Variants in COL24A1 observed in about 807,000 individuals in gnomAD.
The protein encoded by COL24A1 is collagen alpha-1(XXIV) chain.
Under a neutral mutation model 253.9 loss-of-function variants are expected in COL24A1, and 224 were observed. The ratio of observed to expected loss-of-function variants is 0.88; its 90% CI spans 0.79 to 0.99. COL24A1 has a LOEUF of 0.99. Ranked by LOEUF, COL24A1 falls within the 50% of genes least tolerant of loss-of-function variation. The probability of loss-of-function intolerance (pLI) is 0.00; values close to 1 mark genes in which losing one functional copy is unlikely to be tolerated. For missense variants in COL24A1, 2,131 were observed against 2,068.5 expected, an observed-to-expected ratio of 1.03 and a Z score of -0.59; for synonymous variants, 685 against 673.7, an observed-to-expected ratio of 1.02 and a Z score of -0.26.
intron 20 of COL24A1, among the ~76,000 whole-genome samples, chr1:85,977,277 C>A (rs1692781709): frequency 6.6e-6 from 1 of 152,122 alleles, no homozygotes; most frequent in South Asian, 2.1e-4. Context: ...TGAGAAGGAA[C>A]CAGAAAAGTA....
Position 85,925,056 on chromosome 1 carries a change from T to G in COL24A1, c.2563-13623A>C, listed in dbSNP as rs1687026770. ...GACAAACAGAGAGCCAAATCATGAG[T>G]GAACTCTCATTCACAATTGCTTCAA... On this transcript the variant is annotated intron_variant, in intron 24 of 59. Coordinates refer to ENST00000370571, the MANE Select transcript of COL24A1 (RefSeq NM_152890.7). Among the ~76,000 whole-genome samples the G allele has an allele frequency of 2.6e-5, 4 of 152,246 alleles. No homozygotes were observed. In the South Asian group the frequency reaches 8.3e-4, roughly 32 times the overall value.
chr1:85,826,381 T>G (rs1436625149), intron 43 of COL24A1, among the ~76,000 whole-genome samples: 1 of 140,366 alleles, frequency 7.1e-6, no homozygotes, highest in African/African-American at 2.7e-5. Flanking sequence ...TTTGTTCTTT[T>G]GGCTTAGGAT....
intron 3 of COL24A1, among the ~76,000 whole-genome samples, chr1:86,123,098 A>G (rs1407622037): frequency 6.6e-6 from 1 of 151,998 alleles, no homozygotes. Flanking sequence ...TGAGGATAAC[A>G]CTACAAACTT....
At position 85,730,655 on chromosome 1, in the gene COL24A1, A is replaced by G. The variant is rs1208492652; in HGVS notation, c.5036T>C (p.Phe1679Ser). The change falls in exon 60 of 60, where the codon TTT (phenylalanine) becomes TCT (serine). Residue 1679 changes from phenylalanine to serine, a missense_variant. Phe to Ser is a radical substitution (Grantham distance 155). Transcript: ENST00000370571. ...AAGTTGATTAGGTTCCTGGGTGTGA[A>G]AAAGAAATGTTGCCTTATGCCAGCT... ...DGSWHKATFL[F>S]HTQEPNQLPV... The G allele has an allele frequency of 3.7e-6, 6 of 1,613,928 alleles. No homozygotes were observed. The East Asian group carries it at 1.1e-4, about 30-fold the overall frequency.
At chr1:86,082,161 G>A (rs1413991324) in intron 7 of COL24A1, among the ~76,000 whole-genome samples, 1 of 152,038 alleles carries the variant, frequency 6.6e-6, no homozygotes, top group Non-Finnish European at 1.5e-5. Context: ...AAGAAATTCT[G>A]GAGACTAAAG....
At chr1:86,119,339 C>T (rs1706476376) in intron 3 of COL24A1, among the ~76,000 whole-genome samples, 1 of 106,840 alleles carries the variant, frequency 9.4e-6, no homozygotes, top group Non-Finnish European at 2.4e-5. Context: ...CTTGAAAATC[C>T]ACTTTTTTGA....
intron 12 of COL24A1, among the ~76,000 whole-genome samples, chr1:86,042,701 T>C (rs192044905): frequency 6.6e-6 from 1 of 152,300 alleles, no homozygotes; most frequent in East Asian, 1.9e-4. Flanking sequence ...AGCTCATTCA[T>C]GACAACTTAA....
intron 12 of COL24A1, among the ~76,000 whole-genome samples, chr1:86,041,658 T>A (rs1027431440): frequency 2.0e-5 from 3 of 151,962 alleles, no homozygotes; most frequent in Admixed American, 1.3e-4. Flanking sequence ...GCCTCCCCTA[T>A]TTTTTTTAAA....
At chr1:86,143,737 GC>G (rs887554429) in intron 2 of COL24A1, among the ~76,000 whole-genome samples, 25 of 152,148 alleles carry the variant, frequency 1.6e-4, no homozygotes, top group African/African-American at 5.8e-4. Flanking sequence ...AAGGGACACT[GC>G]TTTTTGCTAT....
At chr1:86,021,816 A>C (rs1226058185) in intron 18 of COL24A1, among the ~76,000 whole-genome samples, 6 of 152,066 alleles carry the variant, frequency 3.9e-5, no homozygotes, top group Admixed American at 3.9e-4. Flanking sequence ...CAGGAAAAAA[A>C]ATAAGGATTT....
At chr1:85,951,323 A>G (rs998513205) in intron 24 of COL24A1, among the ~76,000 whole-genome samples, 1 of 151,716 alleles carries the variant, frequency 6.6e-6, no homozygotes, top group South Asian at 2.1e-4. Context: ...AAAAGGCTAA[A>G]GTAGGAAGAA....
chr1:86,107,239 A>G (rs954294099), intron 5 of COL24A1, among the ~76,000 whole-genome samples: 4 of 152,190 alleles, frequency 2.6e-5, no homozygotes, highest in Non-Finnish European at 5.9e-5. Context: ...TACCTTGGTT[A>G]AGCGCTTACT....
rs192596980 is a variant in COL24A1, at chr1:86,050,902, T to A, written c.1852-725A>T. ...GTGGGAAATAACCCATTTCATCAAT[T>A]TTACAGATAAAGTGTATGGTAGTTT... On this transcript the variant is annotated intron_variant, in intron 10 of 59. Coordinates refer to ENST00000370571, the MANE Select transcript of COL24A1 (RefSeq NM_152890.7). Among the ~76,000 whole-genome samples, 4 of 152,244 alleles carry A rather than the reference T, an allele frequency of 2.6e-5. No homozygotes were observed. In the East Asian group the frequency reaches 7.7e-4, roughly 29 times the overall value.
intron 32 of COL24A1, among the ~76,000 whole-genome samples, chr1:85,880,391 C>T (rs141127779): frequency 3.1e-4 from 47 of 152,264 alleles, no homozygotes; most frequent in African/African-American, 1.1e-3. Flanking sequence ...CTCATTATAA[C>T]TGCTTATTAG....
At position 86,018,148 on chromosome 1, in the gene COL24A1, A is replaced by G. The variant is rs528284666; in HGVS notation, c.2257-944T>C. Among the ~76,000 whole-genome samples the G allele has an allele frequency of 4.6e-5, 7 of 152,338 alleles. No homozygotes were observed. The South Asian group carries it at 1.2e-3, about 27-fold the overall frequency. ...ATTATTTCTGTCATATTAAGTTTCT[A>G]TATGAGCTTCAAATTTAATTTAAAT... On this transcript the variant is annotated intron_variant, in intron 18 of 59. Coordinates refer to ENST00000370571, the MANE Select transcript of COL24A1 (RefSeq NM_152890.7).
At chr1:86,152,090 GAA>G (rs1046193425) in intron 1 of COL24A1, among the ~76,000 whole-genome samples, 1 of 152,074 alleles carries the variant, frequency 6.6e-6, no homozygotes, top group African/African-American at 2.4e-5. Context: ...CAAAATAACT[GAA>G]AAAAGAGTTT....
chr1:86,112,638 A>T lies in COL24A1; in HGVS notation c.1546-18T>A. 1 of 1,612,086 alleles carries T rather than the reference A, an allele frequency of 6.2e-7. No individual in the cohort carries two copies. Among genetic ancestry groups the T allele is most frequent in the Non-Finnish European group, 8.5e-7 (1 of 1,178,426 alleles). On this transcript the variant is annotated intron_variant, in intron 4 of 59. Coordinates refer to ENST00000370571, the MANE Select transcript of COL24A1 (RefSeq NM_152890.7). ...GGTATGCCCTGCAAGTAACGAAAAA[A>T]GTCATCATTCTTGGAACATACTGGA... is the stretch of plus-strand genomic sequence containing the variant.
At chr1:85,926,565 G>A (rs188583778) in intron 24 of COL24A1, among the ~76,000 whole-genome samples, 47 of 152,134 alleles carry the variant, frequency 3.1e-4, no homozygotes, top group African/African-American at 1.1e-3. Context: ...ACTATCACAA[G>A]GACATAAGAC....
chr1:85,920,093 G>A (rs7516144), intron 24 of COL24A1, among the ~76,000 whole-genome samples: 3,867 of 152,186 alleles, frequency 0.025, 161 homozygotes, highest in African/African-American at 0.086. Flanking sequence ...TAGCTGGAGA[G>A]GATATAGAGA....
Sources: allele counts gnomAD v4.1 joint callset (sites outside exome capture counted in the v4.1 genomes callset), GRCh38; gene constraint gnomAD v4.1.1; transcripts MANE v1.5; gene names NCBI Gene and HGNC (gene_info 2026-07-23, HGNC 2026-07-21).